The following POU2AF1 variants were observed in gnomAD, a reference collection of about 807,000 sequenced individuals.
POU2AF1 encodes the protein POU domain class 2-associating factor 1.
POU2AF1 carries 12 observed loss-of-function variants against 26.3 expected under a neutral mutation model. The observed-to-expected ratio is 0.46, with a 90% CI of 0.29 to 0.74. POU2AF1 has a LOEUF of 0.74. POU2AF1 is among the 30% of genes least tolerant of loss of function. The pLI, the probability that POU2AF1 is intolerant of heterozygous loss-of-function variation, is 0.09. For missense variants in POU2AF1, 297 were observed against 334.5 expected (o/e 0.89, Z 0.87); for synonymous variants, 175 against 148.0 (o/e 1.18, Z -1.32).
chr11:111,373,379 C>T (rs1485998484), intron 1 of POU2AF1, among the ~76,000 whole-genome samples: 1 of 152,132 alleles, frequency 6.6e-6, no homozygotes, highest in Non-Finnish European at 1.5e-5. Flanking sequence ...CCTTCAATGC[C>T]CAAGACAATT....
At chr11:111,363,722 G>A (rs988563033) in intron 1 of POU2AF1, 54 of 645,154 alleles carry the variant, frequency 8.4e-5, no homozygotes, top group Non-Finnish European at 9.8e-5. Context: ...GATATCAGCA[G>A]AGAAGATAGA....
chr11:111,368,078 T>C (rs1861138698), intron 1 of POU2AF1, among the ~76,000 whole-genome samples: 1 of 152,112 alleles, frequency 6.6e-6, no homozygotes, highest in Non-Finnish European at 1.5e-5. Context: ...TCTAGTCTAG[T>C]GGGGTACACA....
At chr11:111,379,014 C>CCCCCCCCCCG in intron 1 of POU2AF1, 148 bp downstream of exon 1, 2 of 368,410 alleles carry the variant, frequency 5.4e-6, no homozygotes, top group Middle Eastern at 9.3e-4. Context: ...CCACCTCCCC[C>CCCCCCCCCCG]CTCCCTGCTC....
At position 111,358,933 on chromosome 11, in the gene POU2AF1, G is replaced by A; in HGVS notation, c.17-15C>T. 1.3e-6 allele frequency: 2 copies of A among 1,594,600 alleles called. No homozygotes were observed. The highest frequency in any genetic ancestry group is 1.7e-6 in the Non-Finnish European group (2 of 1,175,566). ...CGGAGCTGTGGCTGTGAAAAGCAATGTCCCTGGAGCCCATGGTCCTTCTCA... is the reference window on the plus strand; with the variant it reads ...CGGAGCTGTGGCTGTGAAAAGCAATATCCCTGGAGCCCATGGTCCTTCTCA... On this transcript the variant is annotated splice_polypyrimidine_tract_variant and intron_variant, in intron 1 of 4. Coordinates refer to ENST00000393067, the MANE Select transcript of POU2AF1 (RefSeq NM_006235.3).
At chr11:111,372,822 T>G (rs1861238363) in intron 1 of POU2AF1, among the ~76,000 whole-genome samples, 1 of 152,192 alleles carries the variant, frequency 6.6e-6, no homozygotes, top group South Asian at 2.1e-4. Context: ...TGGCATCAGA[T>G]GTCAGCAGAA....
At chr11:111,363,340 T>C in intron 1 of POU2AF1, 2 of 1,023,856 alleles carry the variant, frequency 2.0e-6, no homozygotes, top group Non-Finnish European at 2.3e-6. Flanking sequence ...GCTCATGAAA[T>C]ATCAGAATCT....
At chr11:111,365,234 T>C (rs1861082972) in intron 1 of POU2AF1, among the ~76,000 whole-genome samples, 1 of 152,230 alleles carries the variant, frequency 6.6e-6, no homozygotes, top group Non-Finnish European at 1.5e-5. Flanking sequence ...AGGAGCTTTC[T>C]GGATAATGCT....
intron 1 of POU2AF1, among the ~76,000 whole-genome samples, chr11:111,372,019 C>T (rs1336251713): frequency 7.0e-6 from 1 of 143,548 alleles, no homozygotes; most frequent in Non-Finnish European, 1.5e-5. Flanking sequence ...CCCACCTAAA[C>T]ACACACAAAT....
intron 1 of POU2AF1, among the ~76,000 whole-genome samples, chr11:111,371,439 G>A (rs1565366555): frequency 2.0e-5 from 3 of 151,980 alleles, no homozygotes; most frequent in Non-Finnish European, 2.9e-5. Context: ...AAACAAACAC[G>A]AGTTTGCCAG....
chr11:111,354,650 G>T, intron 4 of POU2AF1, 75 bp from the exon 5 acceptor site: 1 of 1,261,626 alleles, frequency 7.9e-7, no homozygotes. Context: ...CCTTAGAGGG[G>T]TCTCCATCTC....
Position 111,353,757 on chromosome 11 carries a change from G to T in POU2AF1, c.*504C>A, listed in dbSNP as rs1010908587. 6 of 248,786 alleles carry T rather than the reference G, an allele frequency of 2.4e-5. No homozygotes were observed. The highest frequency in any genetic ancestry group is 4.6e-5 in the Non-Finnish European group (6 of 129,942). The allele number at this position is 248,786 out of a possible 1,614,324, so 15.4% of individuals were successfully genotyped here. A position where few individuals can be genotyped will look rare whatever the true frequency, so the allele number is the denominator to read the frequency against. On this transcript the variant is annotated 3_prime_UTR_variant, in exon 5 of 5. Transcript: ENST00000393067. ...AGGAAGGAGGCCTTTTCCAAGAAAT[G>T]AAATGTGACAGAAATGAAAGCCCAT...
intron 1 of POU2AF1, chr11:111,362,966 G>C (rs1404187856): frequency 4.6e-6 from 1 of 216,864 alleles, no homozygotes; most frequent in South Asian, 1.6e-4. Context: ...CACACACTTG[G>C]CTGGAAAGGG....
Position 111,364,451 on chromosome 11 carries a change from G to A in POU2AF1, c.17-5533C>T, listed in dbSNP as rs59969811. Among the ~76,000 whole-genome samples, 923 of 152,324 alleles carry A rather than the reference G, an allele frequency of 6.1e-3. 5 individuals carry two copies. Among genetic ancestry groups the A allele is most frequent in the African/African-American group, 0.021 (856 of 41,556 alleles). On this transcript the variant is annotated intron_variant, in intron 1 of 4. Coordinates refer to ENST00000393067, the MANE Select transcript of POU2AF1 (RefSeq NM_006235.3). ...ACCACGTTCACACCACAGTGCAGGA[G>A]CTGCTCATCTAAGGAGCTAAGACCC...
In POU2AF1 at chr11:111,371,736, T is replaced by G. The variant is rs578189818; in HGVS notation, c.16+7426A>C. On this transcript the variant is annotated intron_variant, in intron 1 of 4. Transcript: ENST00000393067. Reference sequence around the variant, plus strand: ...ATAATAGCAACTAATATTTATTGAGTGTTTACTTAATGCCAAGCACAGCAG... The same window carrying G: ...ATAATAGCAACTAATATTTATTGAGGGTTTACTTAATGCCAAGCACAGCAG... Among the ~76,000 whole-genome samples the G allele has an allele frequency of 3.9e-5, 6 of 152,236 alleles. No homozygotes were observed. The South Asian group carries it at 1.2e-3, about 32-fold the overall frequency.
intron 1 of POU2AF1, among the ~76,000 whole-genome samples, chr11:111,370,444 C>T (rs892683436): frequency 4.6e-5 from 7 of 152,130 alleles, no homozygotes; most frequent in Non-Finnish European, 7.3e-5. Flanking sequence ...TCTCTGTGAC[C>T]AGCTAGCAGG....
intron 1 of POU2AF1, among the ~76,000 whole-genome samples, chr11:111,362,708 T>C (rs1430204392): frequency 1.3e-5 from 2 of 152,198 alleles, no homozygotes; most frequent in Non-Finnish European, 2.9e-5. Flanking sequence ...TCCTTAGGCA[T>C]AAAGTACAGT....
chr11:111,375,521 C>T (rs981246437), intron 1 of POU2AF1, among the ~76,000 whole-genome samples: 6 of 151,518 alleles, frequency 4.0e-5, no homozygotes, highest in South Asian at 4.2e-4. Flanking sequence ...CTCAGCCTCC[C>T]GAGTAGCTGG....
intron 1 of POU2AF1, among the ~76,000 whole-genome samples, chr11:111,364,459 T>C (rs986133464): frequency 6.6e-6 from 1 of 152,200 alleles, no homozygotes; most frequent in South Asian, 2.1e-4. Flanking sequence ...GAGCTGCTCA[T>C]CTAAGGAGCT....
chr11:111,367,819 C>G (rs1446498774), intron 1 of POU2AF1, among the ~76,000 whole-genome samples: 1 of 152,200 alleles, frequency 6.6e-6, no homozygotes, highest in Non-Finnish European at 1.5e-5. Context: ...CTGAGAGACC[C>G]AAACAATTCC....
Sources: allele counts gnomAD v4.1 joint callset (sites outside exome capture counted in the v4.1 genomes callset), GRCh38; gene constraint gnomAD v4.1.1; transcripts MANE v1.5; gene names NCBI Gene and HGNC (gene_info 2026-07-23, HGNC 2026-07-21).